COPA: variants seen among roughly 807,000 people sequenced by gnomAD.
The protein encoded by COPA is coatomer subunit alpha.
Under a neutral mutation model 158.7 loss-of-function variants are expected in COPA, and 10 were observed. The observed-to-expected ratio is 0.06, with a 90% CI of 0.04 to 0.11. The LOEUF is 0.11. Ranked by LOEUF, COPA falls within the 10% of genes least tolerant of loss-of-function variation. COPA has a pLI of 1.00. For synonymous variants in COPA, 462 were observed against 542.8 expected (o/e 0.85, Z 2.07); for missense variants, 1,065 against 1,536.7 (o/e 0.69, Z 5.13).
chr1:160,310,023 TACG>T (rs1658913725), intron 12 of COPA, among the ~76,000 whole-genome samples, 166 bp downstream of exon 12: 1 of 152,200 alleles, frequency 6.6e-6, no homozygotes, highest in Non-Finnish European at 1.5e-5. Flanking sequence ...TCAATATGTT[TACG>T]ACAACTGAAA....
chr1:160,341,748 A>C, intron 1 of COPA, among the ~76,000 whole-genome samples: 1 of 152,014 alleles, frequency 6.6e-6, no homozygotes, highest in East Asian at 1.9e-4. Context: ...AGTGAGGTGG[A>C]ACTATTTTAA....
chr1:160,339,163 C>A (rs1571187919), intron 3 of COPA, among the ~76,000 whole-genome samples: 2 of 147,600 alleles, frequency 1.4e-5, no homozygotes, highest in African/African-American at 5.4e-5. Flanking sequence ...TCATTTATTT[C>A]TCCTTATTGG....
At chr1:160,335,039 T>A (rs1647694416) in intron 4 of COPA, among the ~76,000 whole-genome samples, 1 of 151,994 alleles carries the variant, frequency 6.6e-6, no homozygotes, top group Admixed American at 6.6e-5. Context: ...ATCCACTGAA[T>A]CCAATAAAAT....
intron 7 of COPA, among the ~76,000 whole-genome samples, chr1:160,325,303 C>T (rs74320232): frequency 0.012 from 1,839 of 152,278 alleles, 39 homozygotes; most frequent in African/African-American, 0.041. Context: ...ATGAGGTCTA[C>T]GCCTGGCTTT....
At chr1:160,333,724 G>A (rs1464378011) in intron 4 of COPA, 45 bp from the exon 5 acceptor site, 2 of 1,432,068 alleles carry the variant, frequency 1.4e-6, no homozygotes, top group Non-Finnish European at 2.0e-6. Flanking sequence ...AAACAAATCT[G>A]TTCTATCAGG....
At chr1:160,330,293 A>T (rs955103495) in intron 6 of COPA, among the ~76,000 whole-genome samples, 1 of 152,224 alleles carries the variant, frequency 6.6e-6, no homozygotes, top group African/African-American at 2.4e-5. Context: ...GCTCCCTGGT[A>T]CTGGCAGTGA....
chr1:160,315,888 A>G (rs1176504231), intron 8 of COPA, among the ~76,000 whole-genome samples: 1 of 152,226 alleles, frequency 6.6e-6, no homozygotes, highest in Non-Finnish European at 1.5e-5. Flanking sequence ...CTGAAAAACA[A>G]TTAAGAAATT....
intron 17 of COPA, among the ~76,000 whole-genome samples, chr1:160,300,357 A>G (rs1264049504): frequency 6.9e-6 from 1 of 143,934 alleles, no homozygotes; most frequent in African/African-American, 2.7e-5. Flanking sequence ...ATAAATAAAT[A>G]AATAAATAAA....
Position 160,295,864 on chromosome 1 carries a change from A to T in COPA, c.2353-5T>A, listed in dbSNP as rs1557861326. The T allele has an allele frequency of 6.3e-7, 1 of 1,599,550 alleles. No individual in the cohort carries two copies. The highest frequency in any genetic ancestry group is 1.1e-5 in the South Asian group (1 of 88,070). On this transcript the variant is annotated splice_polypyrimidine_tract_variant and splice_region_variant and intron_variant, in intron 22 of 32. Coordinates refer to ENST00000241704, the MANE Select transcript of COPA (RefSeq NM_004371.4). ...ATTAGGGTCAATGTCTGGGATCTGAATAGTAGAAGAAAAGAGGCTAAAAAC... is the reference window on the plus strand; with the variant it reads ...ATTAGGGTCAATGTCTGGGATCTGATTAGTAGAAGAAAAGAGGCTAAAAAC...
chr1:160,336,865 T>C (rs1350698651), intron 3 of COPA, among the ~76,000 whole-genome samples: 1 of 152,162 alleles, frequency 6.6e-6, no homozygotes, highest in Non-Finnish European at 1.5e-5. Context: ...CAAACAAGAA[T>C]GCTGAGTTCC....
At chr1:160,334,673 A>AT (rs1647679749) in intron 4 of COPA, among the ~76,000 whole-genome samples, 1 of 152,258 alleles carries the variant, frequency 6.6e-6, no homozygotes, top group African/African-American at 2.4e-5. Context: ...ACACAGAACT[A>AT]TAAGGAGATC....
At chr1:160,298,037 T>C (rs534752037) in intron 19 of COPA, among the ~76,000 whole-genome samples, 10 of 151,854 alleles carry the variant, frequency 6.6e-5, no homozygotes, top group African/African-American at 2.4e-4. Context: ...AAAAATTAGC[T>C]GGGAATCATG....
At chr1:160,331,678 G>A (rs1647527519) in intron 6 of COPA, among the ~76,000 whole-genome samples, 1 of 149,582 alleles carries the variant, frequency 6.7e-6, no homozygotes, top group African/African-American at 2.5e-5. Context: ...GGCCAGCCAC[G>A]GTGGCTCACA....
chr1:160,290,546 G>T lies in COPA; in HGVS notation c.3561C>A (p.Leu1187=). Residue 1187 remains leucine (L), a synonymous_variant, in exon 32 of 33, where the codon CTC becomes CTA. Coordinates refer to ENST00000241704, the MANE Select transcript of COPA (RefSeq NM_004371.4). The stretch of plus-strand genomic sequence containing the variant: ...ACTCAGGGGAATAGCAGGCCCCACT[G>T]AGTGGACACTTTTCTACTGGCTTTC... ...YRGKPVEKCP[L]SGACYSPEFK... is the part of the protein sequence containing the mutation. 6.2e-7 allele frequency: 1 copy of T among 1,614,234 alleles called. No individual in the cohort carries two copies.
rs768113879 is a variant in COPA, at chr1:160,309,151, G to A, written c.1169C>T (p.Thr390Ile). 5.6e-6 allele frequency: 9 copies of A among 1,613,536 alleles called. No homozygotes were observed. The Admixed American group carries it at 6.7e-5, about 12-fold the overall frequency. ...TTTAGGGATGGTGTACAGGTCATAG[G>A]TACTATTCTCTAGATTGCTAGCTCT... ...CTRASNLENSTYDLYTIPKDA... is the reference protein window; with the variant it reads ...CTRASNLENSIYDLYTIPKDA... Residue 390 changes from threonine (T) to isoleucine (I), a missense_variant, in exon 13 of 33, where the codon ACC becomes ATC. Thr to Ile is a moderately conservative substitution (Grantham distance 89, BLOSUM62 -1). Transcript: ENST00000241704.
At chr1:160,335,912 T>C (rs1284432514) in intron 3 of COPA, among the ~76,000 whole-genome samples, 3 of 150,924 alleles carry the variant, frequency 2.0e-5, no homozygotes, top group African/African-American at 7.3e-5. Context: ...AAAAAGTTTT[T>C]CTTTCTTTGG....
chr1:160,306,214 A>G lies in COPA; in HGVS notation c.1442+140T>C, dbSNP rs527400804. The G allele has an allele frequency of 2.7e-5, 24 of 895,498 alleles. No individual in the cohort carries two copies. In the East Asian group the frequency reaches 5.8e-4, roughly 21 times the overall value. The allele number at this position is 895,498 out of a possible 1,614,324, so 55.5% of individuals were successfully genotyped here. On this transcript the variant is annotated intron_variant, in intron 15 of 32. Transcript: ENST00000241704. ...GAATGGAGAGTGATCACAGAAGGGA[A>G]AAGTTACTATAAAGAGTCTTGGAGC...
At chr1:160,296,225 GC>G (rs1003455739) in intron 21 of COPA, 76 bp from the exon 22 acceptor site, 3 of 1,243,888 alleles carry the variant, frequency 2.4e-6, no homozygotes, top group Non-Finnish European at 2.4e-6. Context: ...CTCTGAAATG[GC>G]CCCCCAGTAA....
At chr1:160,300,182 A>T (rs978788995) in intron 17 of COPA, among the ~76,000 whole-genome samples, 1 of 151,900 alleles carries the variant, frequency 6.6e-6, no homozygotes, top group Non-Finnish European at 1.5e-5. Flanking sequence ...TCTACTAAAA[A>T]TACAAAAATT....
Sources: gnomAD v4.1 joint callset for allele counts (sites outside exome capture counted in the v4.1 genomes callset) on GRCh38, gnomAD v4.1.1 for gene constraint, MANE v1.5 for transcripts, NCBI Gene and HGNC (gene_info 2026-07-23, HGNC 2026-07-21) for gene names.